Variants in FAM216B observed in about 807,000 individuals in gnomAD.
FAM216B encodes protein FAM216B.
Under a neutral mutation model 12.9 loss-of-function variants are expected in FAM216B, and 11 were observed. The ratio of observed to expected loss-of-function variants is 0.86; its 90% CI spans 0.54 to 1.42. The LOEUF (loss-of-function observed/expected upper bound fraction) is 1.42, where lower values mean the gene tolerates loss of function less well. Ranked by LOEUF, FAM216B falls within the 40% of genes most tolerant of loss-of-function variation. FAM216B has a pLI of 0.00. For missense variants in FAM216B, 167 were observed against 162.9 expected (o/e 1.02, Z -0.14); for synonymous variants, 52 against 57.2 (o/e 0.91, Z 0.41).
At position 42,781,636 on chromosome 13, in the gene FAM216B, T is replaced by C. The variant is rs1463742423; in HGVS notation, c.-43T>C. The C allele has an allele frequency of 6.6e-6, 1 of 152,216 alleles. No individual in the cohort carries two copies. Among genetic ancestry groups the C allele is most frequent in the Non-Finnish European group, 1.5e-5 (1 of 68,036 alleles). 9.4% of individuals were successfully genotyped at this position (152,216 alleles called of 1,614,324 possible). A position where few individuals can be genotyped will look rare whatever the true frequency, so the allele number is the denominator to read the frequency against. On this transcript the variant is annotated 5_prime_UTR_variant, in exon 1 of 4. Transcript: ENST00000313851. Reference sequence around the variant, plus strand: ...AACTACACTGAATAGGAATGGCAGCTTTTAAAAGTGGGGGAACTACAGTAT... The same window carrying C: ...AACTACACTGAATAGGAATGGCAGCCTTTAAAAGTGGGGGAACTACAGTAT...
intron 2 of FAM216B, among the ~76,000 whole-genome samples, chr13:42,785,706 A>C (rs1874058821): frequency 6.6e-6 from 1 of 152,210 alleles, no homozygotes; most frequent in African/African-American, 2.4e-5. Flanking sequence ...TACCTTTAAG[A>C]AAGTAGCCTT....
chr13:42,784,095 A>C lies in FAM216B; in HGVS notation c.28A>C (p.Lys10Gln), dbSNP rs1873965204. 2 of 1,606,156 alleles carry C rather than the reference A, an allele frequency of 1.2e-6. No individual in the cohort carries two copies. The highest frequency in any genetic ancestry group is 2.7e-5 in the African/African-American group (2 of 74,310). The stretch of plus-strand genomic sequence containing the variant: ...GGGACAAAACTGGAAAAGACAACAA[A>C]AGCTTTGGAATGTTCCACAACTTCC... MGQNWKRQQ[K>Q]LWNVPQLPFI... Residue 10 changes from lysine (K) to glutamine (Q), a missense_variant, in exon 2 of 4, where the codon AAG becomes CAG. Lys to Gln is a moderately conservative substitution (Grantham distance 53). Coordinates refer to ENST00000313851, the MANE Select transcript of FAM216B (RefSeq NM_001318932.2).
At chr13:42,784,850 A>C (rs938829877) in intron 2 of FAM216B, among the ~76,000 whole-genome samples, 4 of 150,668 alleles carry the variant, frequency 2.7e-5, no homozygotes, top group Non-Finnish European at 4.4e-5. Context: ...TAAATAAATA[A>C]ATAAATTAAA....
chr13:42,781,758 T>C (rs1873864676), intron 1 of FAM216B, 94 bp downstream of exon 1: 1 of 152,232 alleles, frequency 6.6e-6, no homozygotes, highest in African/African-American at 2.4e-5. Flanking sequence ...TTTAATCAAA[T>C]TTTATCAGGT....
intron 2 of FAM216B, among the ~76,000 whole-genome samples, chr13:42,785,023 T>C (rs1028185577): frequency 2.6e-5 from 4 of 152,148 alleles, no homozygotes; most frequent in Non-Finnish European, 5.9e-5. Flanking sequence ...AAATCATCAC[T>C]TTTAAGATTT....
chr13:42,789,666 G>GTGTGTA lies in FAM216B; in HGVS notation c.*879_*880insGTATGT, dbSNP rs1874245243. The GTGTGTA allele has an allele frequency of 7.4e-6, 1 of 135,336 alleles. No homozygotes were observed. Among genetic ancestry groups the GTGTGTA allele is most frequent in the Non-Finnish European group, 1.6e-5 (1 of 61,880 alleles). 8.4% of individuals were successfully genotyped at this position (135,336 alleles called of 1,614,324 possible). A position where few individuals can be genotyped will look rare whatever the true frequency, so the allele number is the denominator to read the frequency against. ...TGTGTGTGTGTGTGTGTGTGTGTGT[G>GTGTGTA]TGTTAAAAATCAGTCACCAGTGCTC... On this transcript the variant is annotated 3_prime_UTR_variant, in exon 4 of 4. Transcript: ENST00000313851.
In FAM216B at chr13:42,790,231, G is replaced by T. The variant is rs185684207; in HGVS notation, c.*1441G>T. Reference sequence around the variant, plus strand: ...GTAGCCCTCATAAAGCAGAGAGGTTGGTGGGAGACCTAACTTGGCCTATAC... The same window carrying T: ...GTAGCCCTCATAAAGCAGAGAGGTTTGTGGGAGACCTAACTTGGCCTATAC... On this transcript the variant is annotated 3_prime_UTR_variant, in exon 4 of 4. Transcript: ENST00000313851. 40 of 152,248 alleles carry T rather than the reference G, an allele frequency of 2.6e-4. No individual in the cohort carries two copies. Among genetic ancestry groups the T allele is most frequent in the Admixed American group, 2.3e-3 (35 of 15,282 alleles). 9.4% of individuals were successfully genotyped at this position (152,248 alleles called of 1,614,324 possible). A position where few individuals can be genotyped will look rare whatever the true frequency, so the allele number is the denominator to read the frequency against.
intron 2 of FAM216B, among the ~76,000 whole-genome samples, chr13:42,786,433 G>A (rs1184889528): frequency 6.6e-6 from 1 of 152,110 alleles, no homozygotes; most frequent in Non-Finnish European, 1.5e-5. Context: ...CTTCAGCTCT[G>A]TGTAGCTTAT....
intron 1 of FAM216B, among the ~76,000 whole-genome samples, chr13:42,782,569 T>G (rs1406304587): frequency 1.3e-5 from 2 of 152,232 alleles, no homozygotes; most frequent in African/African-American, 2.4e-5. Flanking sequence ...CTTTCTATCA[T>G]TCAGTAATTC....
chr13:42,787,910 C>T (rs1055411025), intron 3 of FAM216B, among the ~76,000 whole-genome samples: 1 of 152,060 alleles, frequency 6.6e-6, no homozygotes, highest in African/African-American at 2.4e-5. Flanking sequence ...GAAGAGAAAA[C>T]TAAAACATGA....
intron 3 of FAM216B, 108 bp downstream of exon 3, chr13:42,786,991 T>A (rs1874118163): frequency 6.7e-7 from 1 of 1,503,490 alleles, no homozygotes; most frequent in South Asian, 1.3e-5. Flanking sequence ...TCTACTGGCG[T>A]GCTATTTTAT....
chr13:42,785,726 C>T (rs1049634586), intron 2 of FAM216B, among the ~76,000 whole-genome samples: 2 of 152,166 alleles, frequency 1.3e-5, no homozygotes, highest in Admixed American at 6.5e-5. Context: ...TCTAAATGGT[C>T]TCTCTACCAA....
intron 2 of FAM216B, among the ~76,000 whole-genome samples, chr13:42,785,647 T>C (rs561700238): frequency 1.3e-5 from 2 of 152,344 alleles, no homozygotes; most frequent in South Asian, 2.1e-4. Context: ...ACTTAAGATA[T>C]ATTAGGTATG....
rs184385534 is a variant in FAM216B at position 42,782,758 on chromosome 13, T to C, written c.-15+1094T>C. ...GGAAAGGAGACTTAATCATAGCAAATGTGACTCTATTATTCTGTATCTTTC... is the reference window on the plus strand; with the variant it reads ...GGAAAGGAGACTTAATCATAGCAAACGTGACTCTATTATTCTGTATCTTTC... On this transcript the variant is annotated intron_variant, in intron 1 of 3. Coordinates refer to ENST00000313851, the MANE Select transcript of FAM216B (RefSeq NM_001318932.2). Among the ~76,000 whole-genome samples the C allele has an allele frequency of 1.7e-3, 260 of 152,318 alleles. 2 individuals carry two copies. The highest frequency in any genetic ancestry group is 5.7e-3 in the African/African-American group (239 of 41,574).
rs71202236 is a variant in FAM216B at position 42,784,173 on chromosome 13, C to CTTTT, written c.99+24_99+27dup. 17,822 of 741,702 alleles carry CTTTT rather than the reference C, an allele frequency of 0.024. 697 individuals are homozygous for CTTTT. Among genetic ancestry groups the CTTTT allele is most frequent in the Middle Eastern group, 0.029 (63 of 2,170 alleles). The allele number at this position is 741,702 out of a possible 1,614,324, so 45.9% of individuals were successfully genotyped here. On this transcript the variant is annotated splice_region_variant and intron_variant, in intron 2 of 3. Transcript: ENST00000313851. ...TGACACTTCCTTACTAAAGGTATGG[C>CTTTT]TTTTTTTTTTTTTTTTTTTTCACAG...
chr13:42,785,043 A>G (rs1032315986), intron 2 of FAM216B, among the ~76,000 whole-genome samples: 1 of 152,124 alleles, frequency 6.6e-6, no homozygotes, highest in Non-Finnish European at 1.5e-5. Context: ...TTTATCTTCT[A>G]TGGAAACTCC....
Position 42,786,806 on chromosome 13 carries a change from G to A in FAM216B, c.143G>A (p.Arg48Lys), listed in dbSNP as rs760002262. Residue 48 changes from arginine (R) to lysine (K), a missense_variant, in exon 3 of 4, where the codon AGG (arginine) becomes AAG (lysine). Transcript: ENST00000313851. ...CAGCGCTACTTTTACAGCATTATGA[G>A]GATTTACAACTCCAGGCCCCAGTGG... ...GQQRYFYSIM[R>K]IYNSRPQWEA... 1.2e-6 allele frequency: 2 copies of A among 1,613,908 alleles called. No homozygotes were observed. Among genetic ancestry groups the A allele is most frequent in the African/African-American group, 2.7e-5 (2 of 74,884 alleles).
Position 42,786,899 on chromosome 13 carries a change from T to C in FAM216B, c.220+16T>C. 1 of 1,613,192 alleles carries C rather than the reference T, an allele frequency of 6.2e-7. No individual in the cohort carries two copies. The highest frequency in any genetic ancestry group is 8.5e-7 in the Non-Finnish European group (1 of 1,179,510). Reference sequence around the variant, plus strand: ...CAGCTGCTTGGTAAGTTTAACTACGTGATCCAAACTAAGCACCTAAGGAAT... The same window carrying C: ...CAGCTGCTTGGTAAGTTTAACTACGCGATCCAAACTAAGCACCTAAGGAAT... On this transcript the variant is annotated intron_variant, in intron 3 of 3. Coordinates refer to ENST00000313851, the MANE Select transcript of FAM216B (RefSeq NM_001318932.2).
At chr13:42,786,687 G>A in intron 2 of FAM216B, 76 bp from the exon 3 acceptor site, 4 of 1,455,998 alleles carry the variant, frequency 2.7e-6, no homozygotes, top group South Asian at 1.5e-5. Context: ...TTCCATAAAA[G>A]TTTGCTTTGA....
Sources: gnomAD v4.1 joint callset for allele counts (sites outside exome capture counted in the v4.1 genomes callset) on GRCh38, gnomAD v4.1.1 for gene constraint, MANE v1.5 for transcripts, NCBI Gene and HGNC (gene_info 2026-07-23, HGNC 2026-07-21) for gene names.